The following PGAP6 variants were observed in gnomAD, a reference collection of about 807,000 sequenced individuals.
PGAP6 encodes the protein post-GPI attachment to proteins factor 6.
In PGAP6, 62 loss-of-function variants were observed where a neutral mutation model predicts 68.4. That is an observed-to-expected ratio of 0.91 (90% CI 0.74 to 1.12). The LOEUF (loss-of-function observed/expected upper bound fraction) is 1.12. Ranked by LOEUF, PGAP6 falls within the 50% of genes most tolerant of loss-of-function variation. The pLI, the probability that PGAP6 is intolerant of heterozygous loss-of-function variation, is 0.00. For synonymous variants in PGAP6, 575 were observed against 474.0 expected, an observed-to-expected ratio of 1.21 and a Z score of -2.77; for missense variants, 1,188 against 1,068.5, an observed-to-expected ratio of 1.11 and a Z score of -1.56.
Position 376,409 on chromosome 16 carries a change from G to GA in PGAP6, c.950_951insT (p.Gln318ProfsTer160). 6.3e-7 allele frequency: 1 copy of GA among 1,599,512 alleles called. No homozygotes were observed. The highest frequency in any genetic ancestry group is 8.5e-7 in the Non-Finnish European group (1 of 1,171,792). On this transcript the variant is annotated frameshift_variant, in exon 6 of 13. Transcript: ENST00000431232. LOFTEE classifies it high-confidence loss of function. ...AGGAGGCATTGAAGCTCTGGTTTTG[G>GA]CTGCTCTGCAGAAGGGGCTGGATGG...
chr16:377,015 T>C, intron 4 of PGAP6, 22 bp downstream of exon 4: 1 of 1,611,848 alleles, frequency 6.2e-7, no homozygotes. Context: ...AGAGCCGGGC[T>C]GCCCCCCAGG....
At chr16:379,216 GGA>G (rs1471180642) in intron 1 of PGAP6, among the ~76,000 whole-genome samples, 1 of 152,204 alleles carries the variant, frequency 6.6e-6, no homozygotes, top group Non-Finnish European at 1.5e-5. Flanking sequence ...AGGTCTCACT[GGA>G]GAGTGGCTGG....
At chr16:383,715 C>T (rs2054463494), upstream of PGAP6, among the ~76,000 whole-genome samples, 1 of 152,172 alleles carries the variant, frequency 6.6e-6, no homozygotes, top group South Asian at 2.1e-4. Flanking sequence ...TCAAAGGCAT[C>T]GAATGTCTGG....
At chr16:385,991 G>A (rs1007775885), upstream of PGAP6, among the ~76,000 whole-genome samples, 8 of 152,146 alleles carry the variant, frequency 5.3e-5, no homozygotes, top group Non-Finnish European at 1.0e-4. Context: ...TGTCAGTAAA[G>A]TGAAAAATCC....
chr16:375,747 G>C (rs1021795667), intron 6 of PGAP6, among the ~76,000 whole-genome samples: 1 of 151,926 alleles, frequency 6.6e-6, no homozygotes, highest in Non-Finnish European at 1.5e-5. Context: ...AGCCAGGATG[G>C]TCCCAATCTC....
In PGAP6 at chr16:377,700, G is replaced by T; in HGVS notation, c.270C>A (p.Gly90=). ...TGATCTCCGCGTCGGTGCAGGCAGC[G>T]CCGCTCTCCCGGGAGACCTGCAGGA... is the stretch of plus-strand genomic sequence containing the variant. ...RWLLQVSRES[G]AACTDAEITV... is the part of the protein sequence containing the mutation. The change falls in exon 2 of 13, where the codon GGC becomes GGA. Residue 90 remains glycine (G), a synonymous_variant. Transcript: ENST00000431232. The T allele has an allele frequency of 3.1e-6, 5 of 1,592,734 alleles. No homozygotes were observed. Among genetic ancestry groups the T allele is most frequent in the Non-Finnish European group, 4.3e-6 (5 of 1,170,748 alleles).
At chr16:378,486 C>T (rs570656551) in intron 1 of PGAP6, among the ~76,000 whole-genome samples, 1 of 67,130 alleles carries the variant, frequency 1.5e-5, no homozygotes, top group Admixed American at 1.5e-4. Context: ...GCACTGCCAT[C>T]GCCACTCTGA....
upstream of PGAP6, among the ~76,000 whole-genome samples, chr16:384,595 C>T (rs980551716): frequency 1.3e-5 from 2 of 152,222 alleles, no homozygotes; most frequent in Admixed American, 6.5e-5. Flanking sequence ...GTGTCTCACG[C>T]CTGTAATCCC....
chr16:376,499 T>A, intron 5 of PGAP6, 44 bp from the exon 6 acceptor site: 1 of 1,545,220 alleles, frequency 6.5e-7, no homozygotes, highest in Non-Finnish European at 8.7e-7. Flanking sequence ...AGTCTGGGGA[T>A]CTGGGGAGGG....
At position 375,375 on chromosome 16, in the gene PGAP6, C is replaced by T. The variant is rs1237253177; in HGVS notation, c.1285G>A (p.Gly429Ser). Residue 429 changes from glycine to serine, a missense_variant, in exon 7 of 13, where the codon GGC becomes AGC. Transcript: ENST00000431232. ...ACVNAASPFL[G>S]FNTSLNCTTA... ...GTGCAGTTGAGCGAAGTATTGAAGCCAAGGAAGGGCGAGGCAGCATTCACG... is the reference window on the plus strand; with the variant it reads ...GTGCAGTTGAGCGAAGTATTGAAGCTAAGGAAGGGCGAGGCAGCATTCACG... The T allele has an allele frequency of 6.2e-7, 1 of 1,612,948 alleles. No homozygotes were observed. Among genetic ancestry groups the T allele is most frequent in the Non-Finnish European group, 8.5e-7 (1 of 1,179,952 alleles).
upstream of PGAP6, chr16:382,212 C>T: frequency 2.5e-6 from 1 of 392,814 alleles, no homozygotes; most frequent in Non-Finnish European, 4.5e-6. Context: ...AGAGGTCGCG[C>T]CGGGCGCGCT....
chr16:374,964 G>C, intron 8 of PGAP6, 72 bp from the exon 9 acceptor site: 1 of 1,603,386 alleles, frequency 6.2e-7, no homozygotes, highest in Non-Finnish European at 8.5e-7. Context: ...GCTCCCAACA[G>C]GCTGACAGAC....
At chr16:377,998 CCGA>C in intron 1 of PGAP6, 150 bp from the exon 2 acceptor site, 1 of 670,640 alleles carries the variant, frequency 1.5e-6, no homozygotes, top group Non-Finnish European at 2.5e-6. Context: ...GCAAAGGTCA[CCGA>C]CACCCTCTGG....
chr16:375,106 C>T (rs778768760), intron 8 of PGAP6, 27 bp downstream of exon 8: 1 of 1,610,612 alleles, frequency 6.2e-7, no homozygotes, highest in South Asian at 1.1e-5. Context: ...GGTGCCTGGC[C>T]CCCGTCTCTG....
At position 371,204 on chromosome 16, in the gene PGAP6, C is replaced by T. The variant is rs2054328562; in HGVS notation, c.*783G>A. 1 of 152,194 alleles carries T rather than the reference C, an allele frequency of 6.6e-6. No individual in the cohort carries two copies. Among genetic ancestry groups the T allele is most frequent in the Admixed American group, 6.5e-5 (1 of 15,282 alleles). 9.4% of individuals were successfully genotyped at this position (152,194 alleles called of 1,614,324 possible). On this transcript the variant is annotated 3_prime_UTR_variant, in exon 13 of 13. Transcript: ENST00000431232. ...CTGAACACCCACAGGGCACAGAGCC[C>T]AGTGCAGGGGGCAGACACCACCGCA...
At chr16:382,120 G>A (rs565996376), upstream of PGAP6, 7 of 376,526 alleles carry the variant, frequency 1.9e-5, no homozygotes, top group Non-Finnish European at 3.3e-5. Context: ...GGGCGCGCGG[G>A]GGACGGACCG....
chr16:372,632 G>A lies in PGAP6; in HGVS notation c.1998C>T (p.Phe666=), dbSNP rs1263832639. 1.3e-5 allele frequency: 21 copies of A among 1,612,002 alleles called. No individual in the cohort carries two copies. The highest frequency in any genetic ancestry group is 1.7e-5 in the Admixed American group (1 of 59,996). Residue 666 remains phenylalanine (F), a synonymous_variant, in exon 12 of 13, where the codon TTC becomes TTT. Transcript: ENST00000431232. ...TTACCCACATGGAGGCCATGATCAC[G>A]AAGGCAAAGAGGCAGGGCCCCAGCA... is the stretch of plus-strand genomic sequence containing the variant. The part of the protein sequence containing the change: ...WNMLGPCLFA[F]VIMASMWAYR...
At position 376,471 on chromosome 16, in the gene PGAP6, G is replaced by A. The variant is rs770376939; in HGVS notation, c.905-16C>T. ...GGCCTGCAAGCTGCCGAGAGGACAAGGGGTTTGGCTGGAGGAAAGTCTGGG... is the reference window on the plus strand; with the variant it reads ...GGCCTGCAAGCTGCCGAGAGGACAAAGGGTTTGGCTGGAGGAAAGTCTGGG... On this transcript the variant is annotated splice_polypyrimidine_tract_variant and intron_variant, in intron 5 of 12. Coordinates refer to ENST00000431232, the MANE Select transcript of PGAP6 (RefSeq NM_021259.3). 18 of 1,553,330 alleles carry A rather than the reference G, an allele frequency of 1.2e-5. 1 individual carries two copies. The African/African-American group carries it at 2.0e-4, about 18-fold the overall frequency.
At position 371,855 on chromosome 16, in the gene PGAP6, G is replaced by T; in HGVS notation, c.*132C>A. 1 of 957,054 alleles carries T rather than the reference G, an allele frequency of 1.0e-6. No homozygotes were observed. Among genetic ancestry groups the T allele is most frequent in the Non-Finnish European group, 1.5e-6 (1 of 650,624 alleles). 59.3% of individuals were successfully genotyped at this position (957,054 alleles called of 1,614,324 possible). A position where few individuals can be genotyped will look rare whatever the true frequency, so the allele number is the denominator to read the frequency against. ...GGGGTGGCCCTCTCCTCAGTAGGAG[G>T]AAGTAAGAGGGTATCTAGGCCAATT... is the stretch of plus-strand genomic sequence containing the variant. On this transcript the variant is annotated 3_prime_UTR_variant, in exon 13 of 13. Transcript: ENST00000431232.
Sources: allele counts gnomAD v4.1 joint callset (sites outside exome capture counted in the v4.1 genomes callset), GRCh38; gene constraint gnomAD v4.1.1; transcripts MANE v1.5; gene names NCBI Gene and HGNC (gene_info 2026-07-23, HGNC 2026-07-21).